Variants in SWAP70 observed in about 807,000 individuals in gnomAD.
The protein encoded by SWAP70 is switching B cell complex subunit SWAP70.
SWAP70 carries 34 observed loss-of-function variants against 80.2 expected under a neutral mutation model. That is an observed-to-expected ratio of 0.42 (90% CI 0.32 to 0.56). The LOEUF is 0.56. Ranked by LOEUF, SWAP70 falls within the 20% of genes least tolerant of loss-of-function variation. The probability of loss-of-function intolerance (pLI) is 0.09; values close to 1 mark genes in which losing one functional copy is unlikely to be tolerated. For missense variants in SWAP70, 578 were observed against 690.7 expected (o/e 0.84, Z 1.83); for synonymous variants, 239 against 238.5 (o/e 1.00, Z -0.02).
In SWAP70 at chr11:9,685,687, A is replaced by G. The variant is rs112733350; in HGVS notation, c.100-8459A>G. ...CTTGCTCTGTCACCCAGGCTGGAGTACAGTGGTGTGATTTCTGCTCACTGC... is the reference window on the plus strand; with the variant it reads ...CTTGCTCTGTCACCCAGGCTGGAGTGCAGTGGTGTGATTTCTGCTCACTGC... On this transcript the variant is annotated intron_variant, in intron 1 of 11. Coordinates refer to ENST00000318950, the MANE Select transcript of SWAP70 (RefSeq NM_015055.4). Among the ~76,000 whole-genome samples the G allele has an allele frequency of 3.7e-3, 562 of 151,850 alleles. 1 individual carries two copies. The highest frequency in any genetic ancestry group is 0.012 in the African/African-American group (500 of 41,372).
At chr11:9,691,303 A>T (rs1850695041) in intron 1 of SWAP70, among the ~76,000 whole-genome samples, 1 of 152,210 alleles carries the variant, frequency 6.6e-6, no homozygotes, top group Non-Finnish European at 1.5e-5. Context: ...CTTCTTATCT[A>T]AATTATGAAA....
At chr11:9,732,267 G>A (rs1199308736) in intron 6 of SWAP70, among the ~76,000 whole-genome samples, 1 of 152,128 alleles carries the variant, frequency 6.6e-6, no homozygotes, top group Non-Finnish European at 1.5e-5. Context: ...AGCGAGAAAG[G>A]ACTTTATAGA....
chr11:9,736,619 G>C (rs1293074126), intron 7 of SWAP70, among the ~76,000 whole-genome samples: 1 of 152,002 alleles, frequency 6.6e-6, no homozygotes, highest in Non-Finnish European at 1.5e-5. Flanking sequence ...AGAGGCACAG[G>C]CTTGGACAGG....
intron 1 of SWAP70, among the ~76,000 whole-genome samples, chr11:9,669,877 C>G (rs564049366): frequency 3.3e-5 from 5 of 152,224 alleles, no homozygotes; most frequent in Admixed American, 2.6e-4. Flanking sequence ...CCTGTAATCC[C>G]AGCACTTTGG....
chr11:9,698,406 T>A (rs1206345879), intron 2 of SWAP70, among the ~76,000 whole-genome samples: 2 of 151,096 alleles, frequency 1.3e-5, no homozygotes, highest in East Asian at 3.9e-4. Context: ...TGACCTGGGT[T>A]CTTTTTTTTG....
intron 1 of SWAP70, among the ~76,000 whole-genome samples, chr11:9,671,745 A>AATATAAAT (rs1240749271): frequency 1.6e-5 from 1 of 64,222 alleles, no homozygotes; most frequent in African/African-American, 5.6e-5. Flanking sequence ...TATACATAGA[A>AATATAAAT]ATATAAATAT....
At chr11:9,735,555 T>A (rs1042845360) in intron 7 of SWAP70, among the ~76,000 whole-genome samples, 1 of 152,202 alleles carries the variant, frequency 6.6e-6, no homozygotes, top group East Asian at 1.9e-4. Flanking sequence ...TGGGTCAAAG[T>A]GTGTAATTAT....
chr11:9,668,185 G>A (rs1051920809), intron 1 of SWAP70, among the ~76,000 whole-genome samples: 12 of 152,188 alleles, frequency 7.9e-5, no homozygotes, highest in African/African-American at 2.7e-4. Context: ...CACCATGCCT[G>A]GCCTATTTTC....
At position 9,682,327 on chromosome 11, in the gene SWAP70, A is replaced by G. The variant is rs539214629; in HGVS notation, c.100-11819A>G. On this transcript the variant is annotated intron_variant, in intron 1 of 11. Transcript: ENST00000318950. ...GGTGGACAAACTGTATGAAAAAGAGATAGAAGAAGAGACCATAGTTTTGTT... is the reference window on the plus strand; with the variant it reads ...GGTGGACAAACTGTATGAAAAAGAGGTAGAAGAAGAGACCATAGTTTTGTT... Among the ~76,000 whole-genome samples, 6 of 152,316 alleles carry G rather than the reference A, an allele frequency of 3.9e-5. No individual in the cohort carries two copies. The South Asian group carries it at 1.0e-3, about 26-fold the overall frequency.
At chr11:9,675,231 G>A (rs1850473176) in intron 1 of SWAP70, among the ~76,000 whole-genome samples, 2 of 151,910 alleles carry the variant, frequency 1.3e-5, no homozygotes, top group African/African-American at 4.8e-5. Flanking sequence ...AGGCTGGAGT[G>A]AGCTATGATT....
chr11:9,678,895 G>GGT (rs1258032633), intron 1 of SWAP70, among the ~76,000 whole-genome samples: 1 of 152,054 alleles, frequency 6.6e-6, no homozygotes, highest in Non-Finnish European at 1.5e-5. Context: ...ACAAGCCTAA[G>GGT]GTAGATCCTT....
At chr11:9,683,935 T>C (rs555140466) in intron 1 of SWAP70, among the ~76,000 whole-genome samples, 9 of 152,238 alleles carry the variant, frequency 5.9e-5, no homozygotes, top group East Asian at 5.8e-4. Context: ...TTAGGGACCA[T>C]GCGGGGTCAG....
At chr11:9,673,442 G>A (rs943221522) in intron 1 of SWAP70, among the ~76,000 whole-genome samples, 2 of 152,160 alleles carry the variant, frequency 1.3e-5, no homozygotes, top group African/African-American at 4.8e-5. Context: ...CTTCCTTTAA[G>A]CCTCTACATG....
At chr11:9,726,629 A>G (rs1389295838) in intron 4 of SWAP70, among the ~76,000 whole-genome samples, 1 of 152,224 alleles carries the variant, frequency 6.6e-6, no homozygotes, top group African/African-American at 2.4e-5. Context: ...ATAATAACCA[A>G]CTGAAACTTA....
rs376832251 is a variant in SWAP70 at position 9,722,297 on chromosome 11, C to A, written c.415-2361C>A. Among the ~76,000 whole-genome samples the A allele has an allele frequency of 3.3e-5, 5 of 152,274 alleles. No homozygotes were observed. In the East Asian group the frequency reaches 9.6e-4, roughly 29 times the overall value. On this transcript the variant is annotated intron_variant, in intron 3 of 11. Coordinates refer to ENST00000318950, the MANE Select transcript of SWAP70 (RefSeq NM_015055.4). Reference sequence around the variant, plus strand: ...TTGAGCTCTGAGGTACCACGCTGAGCTTTGGGGATTAAAGATGAGTGGGAC... The same window carrying A: ...TTGAGCTCTGAGGTACCACGCTGAGATTTGGGGATTAAAGATGAGTGGGAC...
At position 9,752,927 on chromosome 11, in the gene SWAP70, A is replaced by G. The variant is rs922894098; in HGVS notation, c.*2957A>G. On this transcript the variant is annotated 3_prime_UTR_variant, in exon 12 of 12. Transcript: ENST00000318950. ...TTTTTTTAAGTAAAATGGACCCAGT[A>G]AGAAAATTAAAAATACCAGAACATA... 6.6e-6 allele frequency: 1 copy of G among 152,228 alleles called. No individual in the cohort carries two copies. Among genetic ancestry groups the G allele is most frequent in the African/African-American group, 2.4e-5 (1 of 41,458 alleles). 9.4% of individuals were successfully genotyped at this position (152,228 alleles called of 1,614,324 possible).
intron 7 of SWAP70, among the ~76,000 whole-genome samples, chr11:9,734,574 T>C (rs1851340331): frequency 6.6e-6 from 1 of 152,192 alleles, no homozygotes; most frequent in African/African-American, 2.4e-5. Context: ...TTCTTGTCAA[T>C]AAACACAGTT....
intron 1 of SWAP70, among the ~76,000 whole-genome samples, chr11:9,670,049 C>A (rs1224084054): frequency 6.6e-6 from 1 of 152,138 alleles, no homozygotes; most frequent in Admixed American, 6.5e-5. Flanking sequence ...ATCACTTGAA[C>A]CTGGGAGGCG....
At chr11:9,717,376 A>G (rs1214760269) in intron 3 of SWAP70, among the ~76,000 whole-genome samples, 1 of 152,150 alleles carries the variant, frequency 6.6e-6, no homozygotes, top group African/African-American at 2.4e-5. Context: ...GCTCAAGCCT[A>G]TAATCCCAGC....
Sources: allele counts gnomAD v4.1 joint callset (sites outside exome capture counted in the v4.1 genomes callset), GRCh38; gene constraint gnomAD v4.1.1; transcripts MANE v1.5; gene names NCBI Gene and HGNC (gene_info 2026-07-23, HGNC 2026-07-21).